Variants in PIEZO2 observed in about 807,000 individuals in gnomAD.
PIEZO2 encodes piezo-type mechanosensitive ion channel component 2.
A neutral mutation model predicts 337.3 loss-of-function variants in PIEZO2; 172 were observed. That is an observed-to-expected ratio of 0.51 (90% CI 0.45 to 0.58). The LOEUF is 0.58. PIEZO2 is among the 20% of genes least tolerant of loss of function. The pLI, the probability that PIEZO2 is intolerant of heterozygous loss-of-function variation, is 0.00. For missense variants in PIEZO2, 3,028 were observed against 3,391.3 expected (o/e 0.89, Z 2.66); for synonymous variants, 1,251 against 1,228.5 (o/e 1.02, Z -0.38).
At chr18:10,807,309 C>G in intron 7 of PIEZO2, 35 bp from the exon 8 acceptor site, 1 of 1,518,486 alleles carries the variant, frequency 6.6e-7, no homozygotes. Flanking sequence ...TTAAAAGATG[C>G]AATAAGCTAT....
chr18:10,761,948 C>T (rs1194749145), intron 23 of PIEZO2, among the ~76,000 whole-genome samples: 6 of 152,276 alleles, frequency 3.9e-5, no homozygotes, highest in African/African-American at 1.2e-4. Flanking sequence ...TATTTGTACT[C>T]GTTTCCTTTT....
intron 37 of PIEZO2, among the ~76,000 whole-genome samples, chr18:10,717,446 G>A (rs1416336682): frequency 2.1e-5 from 3 of 142,150 alleles, no homozygotes; most frequent in African/African-American, 3.1e-5. Context: ...AGAGCCTGAC[G>A]CCTGGCCTGC....
At chr18:10,893,287 A>C (rs1379791625) in intron 4 of PIEZO2, among the ~76,000 whole-genome samples, 1 of 152,208 alleles carries the variant, frequency 6.6e-6, no homozygotes, top group African/African-American at 2.4e-5. Context: ...ATGCCTACAC[A>C]TTTGAACAGT....
In PIEZO2 at chr18:10,718,137, T is replaced by C. The variant is rs572068024; in HGVS notation, c.5089+63A>G. Reference sequence around the variant, plus strand: ...ATTTTTCAGGCAGCCTTCCATTATATACGATCTGGGCAGGTATCATTTTCA... The same window carrying C: ...ATTTTTCAGGCAGCCTTCCATTATACACGATCTGGGCAGGTATCATTTTCA... On this transcript the variant is annotated intron_variant, in intron 37 of 55. Transcript: ENST00000674853. 4.0e-5 allele frequency: 56 copies of C among 1,383,128 alleles called. No individual in the cohort carries two copies. The African/African-American group carries it at 7.4e-4, about 18-fold the overall frequency. 85.7% of individuals were successfully genotyped at this position (1,383,128 alleles called of 1,614,324 possible). A position where few individuals can be genotyped will look rare whatever the true frequency, so the allele number is the denominator to read the frequency against.
intron 47 of PIEZO2, among the ~76,000 whole-genome samples, chr18:10,692,706 T>C (rs933717737): frequency 6.6e-6 from 1 of 152,248 alleles, no homozygotes; most frequent in African/African-American, 2.4e-5. Flanking sequence ...GGACTCTCTG[T>C]TCTGTTCCAT....
In PIEZO2 at chr18:10,962,797, C is replaced by A. The variant is rs755512985; in HGVS notation, c.286+16738G>T. Among the ~76,000 whole-genome samples, 3 of 152,158 alleles carry A rather than the reference C, an allele frequency of 2.0e-5. No individual in the cohort carries two copies. The highest frequency in any genetic ancestry group is 4.4e-5 in the Non-Finnish European group (3 of 68,040). Reference sequence around the variant, plus strand: ...AGGGTCATGGCTGCTAAGGCCCTTTCCAGTGATCACATACTATGAGCCCAT... The same window carrying A: ...AGGGTCATGGCTGCTAAGGCCCTTTACAGTGATCACATACTATGAGCCCAT... On this transcript the variant is annotated intron_variant, in intron 3 of 55. Transcript: ENST00000674853. The surrounding 1 kb of genome is among the most constrained non-coding windows in gnomAD (Gnocchi z 4.1).
chr18:10,749,951 A>G, intron 29 of PIEZO2, 140 bp downstream of exon 29: 1 of 623,842 alleles, frequency 1.6e-6, no homozygotes, highest in Non-Finnish European at 2.9e-6. Context: ...ACAATGTACT[A>G]CAGTTCTACA....
At chr18:11,067,770 G>A (rs1489690466) in intron 1 of PIEZO2, among the ~76,000 whole-genome samples, 2 of 152,122 alleles carry the variant, frequency 1.3e-5, no homozygotes, top group Non-Finnish European at 2.9e-5. Context: ...TAATAGCAGG[G>A]ACCTCAATAT....
Position 10,675,230 on chromosome 18 carries a change from G to T in PIEZO2, c.8140C>A (p.Pro2714Thr). 1 of 1,555,340 alleles carries T rather than the reference G, an allele frequency of 6.4e-7. No homozygotes were observed. The highest frequency in any genetic ancestry group is 8.7e-7 in the Non-Finnish European group (1 of 1,146,062). ...VKAPSDSNSK[P>T]IKQLLSENNF... ...TTACCAGATAAAAGTTGCTTTATAG[G>T]TTTTGAGTTAGAATCACTAGGTGCT... The change falls in exon 54 of 56, where the codon CCT becomes ACT. Residue 2714 changes from proline to threonine, a missense_variant. Transcript: ENST00000674853.
chr18:10,790,867 G>A (rs2039387412), intron 14 of PIEZO2, among the ~76,000 whole-genome samples: 1 of 152,094 alleles, frequency 6.6e-6, no homozygotes, highest in African/African-American at 2.4e-5. Flanking sequence ...ACTACGCCCG[G>A]CTAGTTTTTT....
rs2034314046 is a variant in PIEZO2, at chr18:10,973,286, C to T, written c.286+6249G>A. Reference sequence around the variant, plus strand: ...TTTGGCAGTAAAAACAATGTGTATTCATTACTCCAAGAGCGTTGACTCCAT... The same window carrying T: ...TTTGGCAGTAAAAACAATGTGTATTTATTACTCCAAGAGCGTTGACTCCAT... On this transcript the variant is annotated intron_variant, in intron 3 of 55. Coordinates refer to ENST00000674853, the MANE Select transcript of PIEZO2 (RefSeq NM_001378183.1). The surrounding 1 kb of genome is among the most constrained non-coding windows in gnomAD (Gnocchi z 4.9). Among the ~76,000 whole-genome samples the T allele has an allele frequency of 6.6e-6, 1 of 152,194 alleles. No individual in the cohort carries two copies. The highest frequency in any genetic ancestry group is 6.5e-5 in the Admixed American group (1 of 15,280).
intron 47 of PIEZO2, among the ~76,000 whole-genome samples, chr18:10,695,712 T>C (rs2035049677): frequency 6.6e-6 from 1 of 152,094 alleles, no homozygotes; most frequent in Admixed American, 6.6e-5. Context: ...TCTCTCCCTC[T>C]CAAAAATGCC....
chr18:10,963,240 G>A (rs2033861571), intron 3 of PIEZO2, among the ~76,000 whole-genome samples: 1 of 151,828 alleles, frequency 6.6e-6, no homozygotes, highest in Non-Finnish European at 1.5e-5. Flanking sequence ...AGCTGAGACT[G>A]CGCCACTGCA....
At chr18:10,886,327 T>C (rs2870427) in intron 4 of PIEZO2, among the ~76,000 whole-genome samples, 5,094 of 24,600 alleles carry the variant, frequency 0.21, 551 homozygotes, top group East Asian at 0.31. Flanking sequence ...TACATACATA[T>C]ATATATATAT....
intron 7 of PIEZO2, among the ~76,000 whole-genome samples, chr18:10,842,148 C>CA (rs34809564): frequency 0.043 from 3,000 of 70,070 alleles, 76 homozygotes; most frequent in Admixed American, 0.13. Context: ...GACTCCGTCT[C>CA]AAAAAAAAAA....
At chr18:10,886,368 A>ATGTG (rs373877188) in intron 4 of PIEZO2, among the ~76,000 whole-genome samples, 1 of 7,582 alleles carries the variant, frequency 1.3e-4, no homozygotes, top group African/African-American at 1.1e-3. Context: ...ACACATATAT[A>ATGTG]TGTGTGTGTG....
At chr18:11,113,931 A>AC (rs1199554644) in intron 1 of PIEZO2, among the ~76,000 whole-genome samples, 1 of 152,200 alleles carries the variant, frequency 6.6e-6, no homozygotes, top group Non-Finnish European at 1.5e-5. Context: ...TCACAGCACT[A>AC]CCTTGACTGT....
chr18:10,873,092 T>G (rs527544516), intron 4 of PIEZO2, among the ~76,000 whole-genome samples: 72 of 152,342 alleles, frequency 4.7e-4, no homozygotes, highest in African/African-American at 1.7e-3. Flanking sequence ...GATTACACAC[T>G]GTATTCGTTT....
chr18:11,114,787 A>G (rs1055478049), intron 1 of PIEZO2, among the ~76,000 whole-genome samples: 4 of 152,182 alleles, frequency 2.6e-5, no homozygotes, highest in Non-Finnish European at 5.9e-5. Flanking sequence ...GATTGTCAGG[A>G]ATTACCACCA....
Sources: allele counts gnomAD v4.1 joint callset (sites outside exome capture counted in the v4.1 genomes callset), GRCh38; gene constraint gnomAD v4.1.1; non-coding constraint Gnocchi (gnomAD v3.1); transcripts MANE v1.5; gene names NCBI Gene and HGNC (gene_info 2026-07-23, HGNC 2026-07-21).